Variants in MINDY2 observed in about 807,000 individuals in gnomAD.
MINDY2 encodes ubiquitin carboxyl-terminal hydrolase MINDY-2.
MINDY2 carries 52 observed loss-of-function variants against 68.2 expected under a neutral mutation model. The ratio of observed to expected loss-of-function variants is 0.76; its 90% CI spans 0.61 to 0.96. The LOEUF (loss-of-function observed/expected upper bound fraction) is 0.96, where lower values mean the gene tolerates loss of function less well. MINDY2 is among the 40% of genes least tolerant of loss of function. The probability of loss-of-function intolerance (pLI) is 0.00; values close to 1 mark genes in which losing one functional copy is unlikely to be tolerated. For missense variants in MINDY2, 881 were observed against 773.4 expected (o/e 1.14, Z -1.65); for synonymous variants, 372 against 303.0 (o/e 1.23, Z -2.36).
chr15:58,823,021 G>A (rs1219614601), intron 5 of MINDY2, among the ~76,000 whole-genome samples: 3 of 151,686 alleles, frequency 2.0e-5, no homozygotes, highest in African/African-American at 7.3e-5. Context: ...ATATTAATCA[G>A]AATCCAACTA....
intron 2 of MINDY2, among the ~76,000 whole-genome samples, chr15:58,792,998 A>C (rs1424391078): frequency 6.6e-6 from 1 of 151,854 alleles, no homozygotes; most frequent in Non-Finnish European, 1.5e-5. Flanking sequence ...CAAGAACCTT[A>C]TCTCTAAAAA....
chr15:58,791,609 C>A (rs1350135654), intron 2 of MINDY2, among the ~76,000 whole-genome samples: 1 of 125,026 alleles, frequency 8.0e-6, no homozygotes, highest in Admixed American at 8.7e-5. Flanking sequence ...AGGGCAAGAC[C>A]CTGTCTCAAA....
intron 5 of MINDY2, among the ~76,000 whole-genome samples, chr15:58,826,022 C>G (rs141417069): frequency 1.3e-5 from 2 of 152,066 alleles, no homozygotes; most frequent in Admixed American, 1.3e-4. Flanking sequence ...GCCATAGACA[C>G]TGAACATTAT....
intron 5 of MINDY2, among the ~76,000 whole-genome samples, chr15:58,824,975 TATATC>T (rs1330500170): frequency 6.6e-5 from 10 of 152,270 alleles, no homozygotes; most frequent in African/African-American, 1.9e-4. Context: ...CAGCCCATCA[TATATC>T]ATATTATCTT....
intron 1 of MINDY2, among the ~76,000 whole-genome samples, chr15:58,775,066 A>G (rs1318001206): frequency 6.6e-6 from 1 of 152,194 alleles, no homozygotes; most frequent in Non-Finnish European, 1.5e-5. Flanking sequence ...CTAGAAGTCA[A>G]AGCTATTTTT....
chr15:58,826,225 CTTTTTTTTTT>C (rs34666834), intron 5 of MINDY2, among the ~76,000 whole-genome samples: 5 of 98,184 alleles, frequency 5.1e-5, no homozygotes, highest in Non-Finnish European at 9.8e-5. Flanking sequence ...TTCACACAAT[CTTTTTTTTTT>C]TTTTTTTTTT....
At chr15:58,824,101 A>C (rs1426717883) in intron 5 of MINDY2, among the ~76,000 whole-genome samples, 1 of 152,210 alleles carries the variant, frequency 6.6e-6, no homozygotes, top group African/African-American at 2.4e-5. Context: ...ATGGAGTATG[A>C]AGCTATGTGA....
At chr15:58,791,666 G>GTA (rs1297307054) in intron 2 of MINDY2, among the ~76,000 whole-genome samples, 9 of 140,260 alleles carry the variant, frequency 6.4e-5, no homozygotes, top group Admixed American at 2.9e-4. Flanking sequence ...GTGTGTATGT[G>GTA]TGTGTGTGTA....
intron 2 of MINDY2, among the ~76,000 whole-genome samples, chr15:58,794,818 A>G (rs1474370658): frequency 2.6e-5 from 4 of 152,346 alleles, no homozygotes; most frequent in African/African-American, 9.6e-5. Context: ...TGCTAATGGC[A>G]GACTATGAGT....
chr15:58,810,056 T>G (rs919551116), intron 3 of MINDY2, among the ~76,000 whole-genome samples, 174 bp from the exon 4 acceptor site: 1 of 152,208 alleles, frequency 6.6e-6, no homozygotes, highest in African/African-American at 2.4e-5. Flanking sequence ...TTGTTGTATC[T>G]TTCAAACTCC....
At chr15:58,801,380 T>TAAAAAAAAA (rs1188514448) in intron 2 of MINDY2, among the ~76,000 whole-genome samples, 1 of 22,592 alleles carries the variant, frequency 4.4e-5, no homozygotes, top group Non-Finnish European at 8.3e-5. Context: ...CCCCATCTCT[T>TAAAAAAAAA]AAAAAAAAAA....
At chr15:58,803,673 G>A (rs1049182028) in intron 3 of MINDY2, among the ~76,000 whole-genome samples, 2 of 151,778 alleles carry the variant, frequency 1.3e-5, no homozygotes, top group Admixed American at 6.6e-5. Context: ...AAAATTGGCC[G>A]AGTGTAATAG....
intron 3 of MINDY2, among the ~76,000 whole-genome samples, chr15:58,807,515 AT>A (rs1373636924): frequency 6.6e-6 from 1 of 151,876 alleles, no homozygotes; most frequent in Non-Finnish European, 1.5e-5. Context: ...GCCCGCCATC[AT>A]GCCTGGCTAA....
intron 6 of MINDY2, among the ~76,000 whole-genome samples, chr15:58,832,338 TACCTC>T (rs1477801154): frequency 1.3e-5 from 2 of 150,056 alleles, no homozygotes; most frequent in Non-Finnish European, 3.0e-5. Flanking sequence ...GCGCTTCTCC[TACCTC>T]AGCTTCCCGA....
intron 1 of MINDY2, 129 bp downstream of exon 1, chr15:58,772,364 C>T: frequency 1.5e-6 from 2 of 1,362,084 alleles, no homozygotes; most frequent in South Asian, 2.8e-5. Flanking sequence ...ACATGAAATT[C>T]ATTCCAAGAC....
intron 1 of MINDY2, among the ~76,000 whole-genome samples, chr15:58,785,135 CAAAAAAA>C (rs397719705): frequency 8.9e-4 from 61 of 68,454 alleles, no homozygotes; most frequent in African/African-American, 3.0e-3. Context: ...TGAAGGAAAG[CAAAAAAA>C]AAAAAAAAAA....
chr15:58,853,176 C>G (rs933427349), intron 8 of MINDY2, among the ~76,000 whole-genome samples: 1 of 151,664 alleles, frequency 6.6e-6, no homozygotes, highest in African/African-American at 2.4e-5. Context: ...TGGTGTCAAA[C>G]TCCTGACCTC....
chr15:58,835,621 C>T (rs529239366), intron 6 of MINDY2, among the ~76,000 whole-genome samples: 1 of 152,120 alleles, frequency 6.6e-6, no homozygotes, highest in East Asian at 1.9e-4. Flanking sequence ...CCATTGCACT[C>T]CAGCCTAAGC....
At chr15:58,800,283 T>C (rs1212340696) in intron 2 of MINDY2, among the ~76,000 whole-genome samples, 1 of 152,192 alleles carries the variant, frequency 6.6e-6, no homozygotes, top group African/African-American at 2.4e-5. Context: ...TGTATGCTCA[T>C]ATTTCACAAC....
Sources: gnomAD v4.1 joint callset for allele counts (sites outside exome capture counted in the v4.1 genomes callset) on GRCh38, gnomAD v4.1.1 for gene constraint, MANE v1.5 for transcripts, NCBI Gene and HGNC (gene_info 2026-07-23, HGNC 2026-07-21) for gene names.